Variants in CRISP2 observed in about 807,000 individuals in gnomAD.
CRISP2 encodes cysteine rich secretory protein 2.
CRISP2 carries 29 observed loss-of-function variants against 31.7 expected under a neutral mutation model. That is an observed-to-expected ratio of 0.92 (90% CI 0.68 to 1.25). The LOEUF (loss-of-function observed/expected upper bound fraction) is 1.25. Among genes scored for constraint, CRISP2 ranks in the 50% most tolerant of loss-of-function variants. The probability of loss-of-function intolerance (pLI) is 0.00; values close to 1 mark genes in which losing one functional copy is unlikely to be tolerated. For synonymous variants in CRISP2, 111 were observed against 101.4 expected (o/e 1.09, Z -0.57); for missense variants, 318 against 286.5 (o/e 1.11, Z -0.79).
At chr6:49,703,251 C>G (rs1037907714) in intron 4 of CRISP2, among the ~76,000 whole-genome samples, 1 of 151,610 alleles carries the variant, frequency 6.6e-6, no homozygotes, top group African/African-American at 2.4e-5. Context: ...TGGGGTTATG[C>G]GATGCTTCCA....
At chr6:49,697,827 T>A (rs772298118) in intron 8 of CRISP2, 33 bp downstream of exon 8, 6 of 1,606,088 alleles carry the variant, frequency 3.7e-6, no homozygotes, top group Non-Finnish European at 5.1e-6. Context: ...GCAGATAGAA[T>A]TATTGCCATT....
downstream of CRISP2, among the ~76,000 whole-genome samples, chr6:49,688,914 G>T (rs1237175126): frequency 6.6e-6 from 1 of 151,748 alleles, no homozygotes; most frequent in East Asian, 1.9e-4. Context: ...CGTTGCCCAG[G>T]CTGGAGTGCA....
rs568840546 is a variant in CRISP2 at position 49,697,869 on chromosome 6, T to C, written c.506A>G (p.Tyr169Cys). 1.2e-6 allele frequency: 2 copies of C among 1,611,850 alleles called. No homozygotes were observed. The highest frequency in any genetic ancestry group is 1.3e-5 in the African/African-American group (1 of 74,932). The change falls in exon 8 of 10, where the codon TAT becomes TGT. Residue 169 changes from tyrosine to cysteine, a missense_variant. Tyr to Cys is a radical substitution (Grantham distance 194, BLOSUM62 -2). Coordinates refer to ENST00000339139, the MANE Select transcript of CRISP2 (RefSeq NM_003296.4). ...TAAACAGTCTACTTACGCAGGACAATATTGGCAAACATAGTAGTATTTTAG... is the reference window on the plus strand; with the variant it reads ...TAAACAGTCTACTTACGCAGGACAACATTGGCAAACATAGTAGTATTTTAG... ...DSLKYYYVCQ[Y>C]CPAGNNMNRK...
chr6:49,682,636 TTTC>T, the CRISP2 span, among the ~76,000 whole-genome samples: 4,074 of 77,134 alleles, frequency 0.053, 99 homozygotes, highest in African/African-American at 0.13. Context: ...TCTTTCTTTC[TTTC>T]TTTCTTCTTT....
rs1765789648 is a variant in CRISP2 at position 49,701,631 on chromosome 6, A to ATGTATACATTATATC, written c.67-848_67-847insGATATAATGTATACA. ...CACGGTATATATATATACATTATAT[A>ATGTATACATTATATC]TGTATACATTATATATGTATACATT... On this transcript the variant is annotated intron_variant, in intron 4 of 9. Transcript: ENST00000339139. Among the ~76,000 whole-genome samples the ATGTATACATTATATC allele has an allele frequency of 1.4e-4, 14 of 99,608 alleles. 1 individual carries two copies. Among genetic ancestry groups the ATGTATACATTATATC allele is most frequent in the Non-Finnish European group, 7.6e-5 (4 of 52,414 alleles). 65.3% of individuals were successfully genotyped at this position (99,608 alleles called of 152,430 possible).
At chr6:49,712,386 G>A (rs1768182114) in intron 2 of CRISP2, 115 bp downstream of exon 2, 1 of 152,168 alleles carries the variant, frequency 6.6e-6, no homozygotes, top group Admixed American at 6.5e-5. Context: ...GTTGGTGAGA[G>A]TATATTCAAG....
intron 8 of CRISP2, among the ~76,000 whole-genome samples, chr6:49,696,525 T>C (rs921224265): frequency 1.3e-5 from 2 of 150,992 alleles, no homozygotes; most frequent in Non-Finnish European, 2.9e-5. Flanking sequence ...AGAGGTGGCA[T>C]GTATGAGATT....
the CRISP2 span, among the ~76,000 whole-genome samples, chr6:49,684,680 G>A: frequency 6.6e-6 from 1 of 151,948 alleles, no homozygotes; most frequent in Admixed American, 6.6e-5. Flanking sequence ...ATATCCAATG[G>A]CATTAAAATT....
intron 4 of CRISP2, among the ~76,000 whole-genome samples, chr6:49,705,375 T>C (rs1766843824): frequency 6.6e-6 from 1 of 152,074 alleles, no homozygotes; most frequent in Admixed American, 6.5e-5. Flanking sequence ...CAATGGCCAA[T>C]AGAGCTGAAT....
intron 9 of CRISP2, 128 bp from the exon 10 acceptor site, chr6:49,693,028 T>C (rs746486016): frequency 1.0e-4 from 84 of 824,064 alleles, no homozygotes; most frequent in Non-Finnish European, 1.6e-4. Context: ...CTACAATGGG[T>C]CTTTCATGTC....
At chr6:49,691,797 T>A (rs1210980110), downstream of CRISP2, among the ~76,000 whole-genome samples, 2 of 152,090 alleles carry the variant, frequency 1.3e-5, no homozygotes, top group Non-Finnish European at 2.9e-5. Flanking sequence ...AGCTTTAAGA[T>A]TATTAATTCA....
chr6:49,699,933 C>T (rs1397647865), intron 5 of CRISP2, 42 bp from the exon 6 acceptor site: 2 of 1,491,220 alleles, frequency 1.3e-6, no homozygotes, highest in South Asian at 2.3e-5. Flanking sequence ...ATGATTCAGC[C>T]ACAATGAAAC....
chr6:49,701,485 CGT>C (rs148496285), intron 4 of CRISP2, among the ~76,000 whole-genome samples: 37,289 of 81,014 alleles, frequency 0.46, 10,191 homozygotes, highest in East Asian at 0.56. Flanking sequence ...AGCAGTATTA[CGT>C]GTGTGTGTGT....
chr6:49,686,845 C>T, the CRISP2 span, among the ~76,000 whole-genome samples: 488 of 152,258 alleles, frequency 3.2e-3, 1 homozygote, highest in African/African-American at 0.011. Flanking sequence ...AAATGTGGCA[C>T]ATATACACCA....
Position 49,700,688 on chromosome 6 carries a change from C to A in CRISP2, c.163G>T (p.Ala55Ser), listed in dbSNP as rs1323252592. Residue 55 changes from alanine to serine, a missense_variant, in exon 5 of 10, where the codon GCC (alanine) becomes TCC (serine). Ala to Ser is a moderately conservative substitution (Grantham distance 99). Coordinates refer to ENST00000339139, the MANE Select transcript of CRISP2 (RefSeq NM_003296.4). ...NELRKAVSPP[A>S]SNMLKMEWSR... ...CTTACCATCTTTAGCATGTTACTGG[C>A]AGGTGGAGAGACTGCTTTCCTTAGT... 1.2e-6 allele frequency: 2 copies of A among 1,607,948 alleles called. No individual in the cohort carries two copies. The highest frequency in any genetic ancestry group is 8.5e-7 in the Non-Finnish European group (1 of 1,175,104).
At chr6:49,687,206 A>G in the CRISP2 span, among the ~76,000 whole-genome samples, 1 of 152,336 alleles carries the variant, frequency 6.6e-6, no homozygotes, top group Non-Finnish European at 1.5e-5. Flanking sequence ...TAATTTTTAA[A>G]TACAATTATC....
chr6:49,687,239 CTTTAAT>C, the CRISP2 span, among the ~76,000 whole-genome samples: 1 of 152,072 alleles, frequency 6.6e-6, no homozygotes, highest in African/African-American at 2.4e-5. Flanking sequence ...AAGCCTAAAA[CTTTAAT>C]TTTAATCTTA....
chr6:49,707,100 A>T (rs1239640875), intron 4 of CRISP2, among the ~76,000 whole-genome samples: 2 of 152,208 alleles, frequency 1.3e-5, no homozygotes, highest in African/African-American at 2.4e-5. Context: ...CTTTGTAGAT[A>T]AAAATTGTAC....
In CRISP2 at chr6:49,695,785, A is replaced by T. The variant is rs757526407; in HGVS notation, c.604+51T>A. ...ATTTGTTAAATTATATAAAGAAAAG[A>T]TAATATCAATTCTATAATAAATAAT... On this transcript the variant is annotated intron_variant, in intron 9 of 9. Transcript: ENST00000339139. 3.2e-6 allele frequency: 4 copies of T among 1,243,678 alleles called. No individual in the cohort carries two copies. In the East Asian group the frequency reaches 7.6e-5, roughly 24 times the overall value. The allele number at this position is 1,243,678 out of a possible 1,614,324, so 77.0% of individuals were successfully genotyped here.
Sources: allele counts gnomAD v4.1 joint callset (sites outside exome capture counted in the v4.1 genomes callset), GRCh38; gene constraint gnomAD v4.1.1; transcripts MANE v1.5; gene names NCBI Gene and HGNC (gene_info 2026-07-23, HGNC 2026-07-21).